DCHS2: variants seen among roughly 807,000 people sequenced by gnomAD.
DCHS2 encodes protocadherin-23.
In DCHS2, 142 loss-of-function variants were observed where a neutral mutation model predicts 182.4. The observed-to-expected ratio is 0.78, with a 90% CI of 0.68 to 0.89. The LOEUF is 0.89. DCHS2 is among the 40% of genes least tolerant of loss of function. DCHS2 has a pLI of 0.00. For synonymous variants in DCHS2, 1,740 were observed against 1,663.3 expected (o/e 1.05, Z -1.12); for missense variants, 4,319 against 4,198.6 (o/e 1.03, Z -0.79).
chr4:154,275,155 A>G (rs1733785351), intron 13 of DCHS2, among the ~76,000 whole-genome samples: 1 of 152,118 alleles, frequency 6.6e-6, no homozygotes, highest in Non-Finnish European at 1.5e-5. Flanking sequence ...CTAACACTCA[A>G]AAATGCAGTG....
chr4:154,264,287 C>T (rs982304058), intron 14 of DCHS2, among the ~76,000 whole-genome samples: 6 of 152,012 alleles, frequency 3.9e-5, no homozygotes, highest in African/African-American at 1.4e-4. Context: ...GACAACAGAA[C>T]CAAACATCAA....
At chr4:154,486,230 C>T (rs1466186197) in intron 1 of DCHS2, among the ~76,000 whole-genome samples, 2 of 152,166 alleles carry the variant, frequency 1.3e-5, no homozygotes, top group Non-Finnish European at 2.9e-5. Context: ...CTGCCTCACT[C>T]ATAAGTCTTT....
At chr4:154,374,276 G>T (rs1462139202) in intron 2 of DCHS2, 4 of 288,616 alleles carry the variant, frequency 1.4e-5, no homozygotes, top group Admixed American at 9.8e-5. Context: ...ACAGGGGCTT[G>T]TTTAGATCAC....
intron 9 of DCHS2, among the ~76,000 whole-genome samples, chr4:154,316,202 C>G (rs941278512): frequency 1.3e-5 from 2 of 152,140 alleles, no homozygotes; most frequent in African/African-American, 4.8e-5. Flanking sequence ...TAAATTATAT[C>G]AAACAAAACA....
chr4:154,268,662 A>T, intron 14 of DCHS2, among the ~76,000 whole-genome samples: 1 of 152,286 alleles, frequency 6.6e-6, no homozygotes, highest in South Asian at 2.1e-4. Flanking sequence ...GATGGGTGGC[A>T]TGTGTATGGG....
intron 13 of DCHS2, among the ~76,000 whole-genome samples, chr4:154,295,962 A>G (rs975334248): frequency 2.6e-5 from 4 of 152,184 alleles, no homozygotes; most frequent in Non-Finnish European, 4.4e-5. Flanking sequence ...TAGTAAATAC[A>G]TTTTACTAGT....
intron 3 of DCHS2, among the ~76,000 whole-genome samples, chr4:154,356,001 A>G (rs1285075675): frequency 6.6e-6 from 1 of 152,122 alleles, no homozygotes; most frequent in East Asian, 1.9e-4. Context: ...GATTGAAAAA[A>G]GAAGTTAATT....
chr4:154,373,991 T>G, intron 2 of DCHS2: 1 of 1,327,216 alleles, frequency 7.5e-7, no homozygotes, highest in Non-Finnish European at 1.0e-6. Flanking sequence ...TGGAGGTGGA[T>G]ATTTTAATAG....
Position 154,294,260 on chromosome 4 carries a change from TATATA to T in DCHS2, c.6463+3586_6463+3590del, listed in dbSNP as rs986961022. On this transcript the variant is annotated intron_variant, in intron 13 of 19. Transcript: ENST00000357232. ...CAAGGCTTCTTAAAATTGAATATTG[TATATA>T]ATATATCAAATATATAGTCAACATA... Among the ~76,000 whole-genome samples the T allele has an allele frequency of 4.0e-4, 61 of 152,292 alleles. 1 individual carries two copies. The highest frequency in any genetic ancestry group is 1.3e-3 in the African/African-American group (56 of 41,558).
intron 1 of DCHS2, among the ~76,000 whole-genome samples, chr4:154,477,317 TAATTATCTCACAAA>T (rs2111030079): frequency 3.3e-5 from 5 of 152,266 alleles, no homozygotes; most frequent in Admixed American, 3.3e-4. Flanking sequence ...TCATCTAAAC[TAATTATCTCACAAA>T]GGCCCCACCT....
intron 13 of DCHS2, among the ~76,000 whole-genome samples, chr4:154,279,453 A>G (rs1561007198): frequency 6.6e-6 from 1 of 151,992 alleles, no homozygotes. Context: ...AGGGTTGGCC[A>G]TACTTTTATC....
At chr4:154,482,139 G>C (rs1467608340) in intron 1 of DCHS2, among the ~76,000 whole-genome samples, 1 of 152,196 alleles carries the variant, frequency 6.6e-6, no homozygotes, top group Non-Finnish European at 1.5e-5. Context: ...CCAGTAAAAA[G>C]TGAGTGTAGC....
At chr4:154,360,645 T>C (rs1310873989) in intron 3 of DCHS2, among the ~76,000 whole-genome samples, 1 of 152,114 alleles carries the variant, frequency 6.6e-6, no homozygotes. Context: ...CAAGAATCAT[T>C]ACATGGTATA....
intron 10 of DCHS2, among the ~76,000 whole-genome samples, chr4:154,307,366 T>A (rs982717098): frequency 6.6e-6 from 1 of 152,152 alleles, no homozygotes; most frequent in Non-Finnish European, 1.5e-5. Flanking sequence ...TGTGTGTGTG[T>A]GCCTGTGTAT....
chr4:154,469,774 G>T (rs999294998), intron 1 of DCHS2, among the ~76,000 whole-genome samples: 3 of 152,078 alleles, frequency 2.0e-5, no homozygotes, highest in African/African-American at 7.2e-5. Flanking sequence ...ATTCTCCCAG[G>T]TAGTATTAGC....
At chr4:154,389,516 T>TATATATATATATA (rs1731575119) in intron 1 of DCHS2, among the ~76,000 whole-genome samples, 17 of 111,128 alleles carry the variant, frequency 1.5e-4, no homozygotes, top group African/African-American at 5.0e-4. Context: ...AAGACAAAGG[T>TATATATATATATA]TATATATATA....
chr4:154,369,657 T>C (rs934430900), intron 2 of DCHS2, among the ~76,000 whole-genome samples: 1 of 152,342 alleles, frequency 6.6e-6, no homozygotes, highest in East Asian at 1.9e-4. Context: ...TCAGGAATAA[T>C]TTGTTATACA....
chr4:154,398,041 G>A (rs1732005014), intron 1 of DCHS2, among the ~76,000 whole-genome samples: 1 of 152,090 alleles, frequency 6.6e-6, no homozygotes, highest in African/African-American at 2.4e-5. Flanking sequence ...GACAATAATG[G>A]GCATGAAAGT....
chr4:154,480,544 C>G (rs1735879411), intron 1 of DCHS2, among the ~76,000 whole-genome samples: 1 of 152,054 alleles, frequency 6.6e-6, no homozygotes, highest in Non-Finnish European at 1.5e-5. Flanking sequence ...ATACATTTTT[C>G]AAAAGCATGA....
Sources: allele counts gnomAD v4.1 joint callset (sites outside exome capture counted in the v4.1 genomes callset), GRCh38; gene constraint gnomAD v4.1.1; transcripts MANE v1.5; gene names NCBI Gene and HGNC (gene_info 2026-07-23, HGNC 2026-07-21).